Variants in FRZB observed in about 807,000 individuals in gnomAD.
The protein encoded by FRZB is secreted frizzled-related protein 3.
A neutral mutation model predicts 32.5 loss-of-function variants in FRZB; 34 were observed. The ratio of observed to expected loss-of-function variants is 1.05; its 90% CI spans 0.80 to 1.39. The LOEUF is 1.39. Among genes scored for constraint, FRZB ranks in the 40% most tolerant of loss-of-function variants. The probability of loss-of-function intolerance (pLI) is 0.00; values close to 1 mark genes in which losing one functional copy is unlikely to be tolerated. For synonymous variants in FRZB, 170 were observed against 159.2 expected, an observed-to-expected ratio of 1.07 and a Z score of -0.51; for missense variants, 423 against 424.8, an observed-to-expected ratio of 1.00 and a Z score of 0.04.
chr2:182,861,374 T>C (rs776042919), intron 1 of FRZB, among the ~76,000 whole-genome samples: 1 of 152,242 alleles, frequency 6.6e-6, no homozygotes, highest in Admixed American at 6.5e-5. Flanking sequence ...TAATAATGAA[T>C]GTGCAAAATG....
intron 2 of FRZB, among the ~76,000 whole-genome samples, chr2:182,857,973 T>C (rs1695789751): frequency 6.6e-6 from 1 of 152,198 alleles, no homozygotes. Flanking sequence ...ACATACCTAT[T>C]AAAATGGCTA....
chr2:182,864,697 C>T (rs73042118), intron 1 of FRZB, among the ~76,000 whole-genome samples: 14,568 of 152,130 alleles, frequency 0.096, 1,400 homozygotes, highest in African/African-American at 0.25. Context: ...AATGAGTCAA[C>T]GTGCACAGAA....
At chr2:182,857,359 G>A (rs1045532181) in intron 2 of FRZB, among the ~76,000 whole-genome samples, 4 of 152,104 alleles carry the variant, frequency 2.6e-5, no homozygotes, top group Non-Finnish European at 5.9e-5. Flanking sequence ...GGTGGCTCAC[G>A]TGTGTAATCC....
Position 182,866,312 on chromosome 2 carries a change from T to G in FRZB, c.241A>C (p.Ser81Arg). The change falls in exon 1 of 6, where the codon AGC becomes CGC. Residue 81 changes from serine to arginine, a missense_variant. Transcript: ENST00000295113. This position sits in a 1 kb window ranked among gnomAD's most constrained non-coding sequence, Gnocchi z 4.5. ...CAGAGGAAGAAGAGCAGATCGGGGC[T>G]GCAGTGGGTGCCCAGCAGACCTTCG... ...QFEGLLGTHC[S>R]PDLLFFLCAM... 6.2e-7 allele frequency: 1 copy of G among 1,614,212 alleles called. No homozygotes were observed. Among genetic ancestry groups the G allele is most frequent in the Non-Finnish European group, 8.5e-7 (1 of 1,180,034 alleles).
chr2:182,842,417 G>A, intron 3 of FRZB, 61 bp downstream of exon 3: 5 of 1,157,954 alleles, frequency 4.3e-6, no homozygotes, highest in Non-Finnish European at 6.5e-6. Flanking sequence ...ATCCTCATAG[G>A]TGCATCCACA....
intron 2 of FRZB, among the ~76,000 whole-genome samples, chr2:182,857,322 A>T (rs1351613006): frequency 6.6e-6 from 1 of 152,156 alleles, no homozygotes; most frequent in Non-Finnish European, 1.5e-5. Context: ...ATTACATTAT[A>T]TTAGAAGAAA....
At chr2:182,846,620 T>C (rs1315206224) in intron 2 of FRZB, among the ~76,000 whole-genome samples, 3 of 152,224 alleles carry the variant, frequency 2.0e-5, no homozygotes, top group Non-Finnish European at 4.4e-5. Context: ...GTAAGTCTCA[T>C]ATCCTGGCAT....
At chr2:182,843,830 C>T (rs1695611125) in intron 2 of FRZB, among the ~76,000 whole-genome samples, 1 of 151,840 alleles carries the variant, frequency 6.6e-6, no homozygotes, top group African/African-American at 2.4e-5. Flanking sequence ...ATTCAGGAGA[C>T]TGAGTTGGGA....
Position 182,834,943 on chromosome 2 carries a change from T to C in FRZB, c.884A>G (p.His295Arg). The C allele has an allele frequency of 6.2e-7, 1 of 1,612,954 alleles. No homozygotes were observed. Among genetic ancestry groups the C allele is most frequent in the Non-Finnish European group, 8.5e-7 (1 of 1,179,186 alleles). Residue 295 changes from histidine (H) to arginine (R), a missense_variant, in exon 6 of 6, where the codon CAT becomes CGT. His to Arg is a conservative substitution (Grantham distance 29, BLOSUM62 0). Coordinates refer to ENST00000295113, the MANE Select transcript of FRZB (RefSeq NM_001463.4). ...KVKRWDMKLR[H>R]LGLSKSDSSN... ...AGAATCACTTTTACTGAGTCCAAGA[T>C]GACGAAGCTTCATATCCCAGCGCTG...
At chr2:182,858,930 G>A in intron 1 of FRZB, 97 bp from the exon 2 acceptor site, 2 of 981,804 alleles carry the variant, frequency 2.0e-6, no homozygotes, top group Non-Finnish European at 3.2e-6. Flanking sequence ...ATTTGGGTAA[G>A]AATCCAATTG....
intron 1 of FRZB, among the ~76,000 whole-genome samples, chr2:182,859,410 T>G (rs768527309): frequency 1.3e-5 from 2 of 152,146 alleles, no homozygotes; most frequent in Non-Finnish European, 2.9e-5. Context: ...TTGATTCTTT[T>G]TAGGATGCCA....
Position 182,835,127 on chromosome 2 carries a change from G to A in FRZB, c.862-162C>T, listed in dbSNP as rs148406054. Among the ~76,000 whole-genome samples the A allele has an allele frequency of 1.5e-3, 235 of 152,152 alleles. 3 individuals carry two copies. Among genetic ancestry groups the A allele is most frequent in the Non-Finnish European group, 1.4e-3 (92 of 67,988 alleles). ...TTCCCAGGGTAACAAGAAAACTGAT[G>A]CAATATGAACATTATTCTCTGACTT... On this transcript the variant is annotated intron_variant, in intron 5 of 5. Transcript: ENST00000295113.
chr2:182,862,802 T>A (rs947841077), intron 1 of FRZB, among the ~76,000 whole-genome samples: 5 of 151,878 alleles, frequency 3.3e-5, no homozygotes, highest in African/African-American at 1.2e-4. Context: ...ACAGTCTGGC[T>A]CTGTCGCTCA....
chr2:182,841,196 A>G (rs565452404), intron 3 of FRZB, among the ~76,000 whole-genome samples: 1 of 152,150 alleles, frequency 6.6e-6, no homozygotes, highest in Non-Finnish European at 1.5e-5. Context: ...AATCCTCTTA[A>G]GAGGAGTAGC....
At chr2:182,843,592 A>G (rs1695608021) in intron 2 of FRZB, among the ~76,000 whole-genome samples, 1 of 152,186 alleles carries the variant, frequency 6.6e-6, no homozygotes, top group South Asian at 2.1e-4. Flanking sequence ...CATAAATTAG[A>G]GAAAGGACAT....
chr2:182,865,639 T>G (rs1453906876), intron 1 of FRZB, among the ~76,000 whole-genome samples: 1 of 152,170 alleles, frequency 6.6e-6, no homozygotes, highest in Non-Finnish European at 1.5e-5. Context: ...TCTAAGACAC[T>G]AAAGATACAG....
chr2:182,865,399 T>C (rs951626787), intron 1 of FRZB, among the ~76,000 whole-genome samples: 15 of 152,130 alleles, frequency 9.9e-5, no homozygotes, highest in African/African-American at 2.7e-4. Context: ...TAATTAACAG[T>C]GCATAGCAAT....
intron 4 of FRZB, 97 bp from the exon 5 acceptor site, chr2:182,838,108 T>C: frequency 1.1e-6 from 1 of 905,006 alleles, no homozygotes; most frequent in Non-Finnish European, 1.8e-6. Flanking sequence ...CTTATATGTT[T>C]ATTCTTGAAT....
intron 2 of FRZB, among the ~76,000 whole-genome samples, chr2:182,845,069 C>G (rs764919115): frequency 1.6e-4 from 24 of 152,036 alleles, no homozygotes; most frequent in Non-Finnish European, 3.1e-4. Context: ...ATGAAAGAAC[C>G]TCCTCTCATT....
Sources: allele counts gnomAD v4.1 joint callset (sites outside exome capture counted in the v4.1 genomes callset), GRCh38; gene constraint gnomAD v4.1.1; non-coding constraint Gnocchi (gnomAD v3.1); transcripts MANE v1.5; gene names NCBI Gene and HGNC (gene_info 2026-07-23, HGNC 2026-07-21).